The following PCDHGB7 variants were observed in gnomAD, a reference collection of about 807,000 sequenced individuals.
The protein encoded by PCDHGB7 is protocadherin gamma-B7.
A neutral mutation model predicts 61.4 loss-of-function variants in PCDHGB7; 37 were observed. That is an observed-to-expected ratio of 0.60 (90% CI 0.46 to 0.79). The LOEUF (loss-of-function observed/expected upper bound fraction) is 0.79. PCDHGB7 is among the 30% of genes least tolerant of loss of function. PCDHGB7 has a pLI of 0.00. For missense variants in PCDHGB7, 1,166 were observed against 1,202.5 expected, an observed-to-expected ratio of 0.97 and a Z score of 0.45; for synonymous variants, 464 against 503.5, an observed-to-expected ratio of 0.92 and a Z score of 1.05.
In PCDHGB7 at chr5:141,492,000, A is replaced by G; in HGVS notation, c.2416-2807A>G. On this transcript the variant is annotated intron_variant, in intron 1 of 3. Transcript: ENST00000398594. The surrounding 1 kb of genome is among the most constrained non-coding windows in gnomAD (Gnocchi z 6.9). Reference sequence around the variant, plus strand: ...TCGAGCTTCCGGTGAATTTCGGGCGATTTCCGCGGGTGTCGGGGGTCCCGG... The same window carrying G: ...TCGAGCTTCCGGTGAATTTCGGGCGGTTTCCGCGGGTGTCGGGGGTCCCGG... 1 of 659,856 alleles carries G rather than the reference A, an allele frequency of 1.5e-6. No homozygotes were observed. The highest frequency in any genetic ancestry group is 3.1e-5 in the South Asian group (1 of 32,438). 40.9% of individuals were successfully genotyped at this position (659,856 alleles called of 1,614,324 possible).
Position 141,477,161 on chromosome 5 carries a change from G to A in PCDHGB7, c.2416-17646G>A, listed in dbSNP as rs761453939. On this transcript the variant is annotated intron_variant, in intron 1 of 3. Transcript: ENST00000398594. The surrounding 1 kb of genome is among the most constrained non-coding windows in gnomAD (Gnocchi z 4.9). ...GGAGGTTGTGGATGTGAATGACAAC[G>A]CCCCGGAGATCACAGTCACCTCCGT... 1.9e-6 allele frequency: 3 copies of A among 1,613,988 alleles called. No individual in the cohort carries two copies. The highest frequency in any genetic ancestry group is 2.7e-5 in the African/African-American group (2 of 74,904).
intron 1 of PCDHGB7, among the ~76,000 whole-genome samples, chr5:141,435,568 A>C (rs564789030): frequency 8.7e-4 from 132 of 152,274 alleles, no homozygotes; most frequent in Middle Eastern, 6.8e-3. Context: ...TTTTTTTAGT[A>C]CTGGGGCAAA....
rs779949817 is a variant in PCDHGB7 at position 141,487,266 on chromosome 5, T to G, written c.2416-7541T>G. The G allele has an allele frequency of 6.2e-7, 1 of 1,614,054 alleles. No individual in the cohort carries two copies. The highest frequency in any genetic ancestry group is 8.5e-7 in the Non-Finnish European group (1 of 1,180,044). On this transcript the variant is annotated intron_variant, in intron 1 of 3. Transcript: ENST00000398594. This position sits in a 1 kb window ranked among gnomAD's most constrained non-coding sequence, Gnocchi z 5.0. The stretch of plus-strand genomic sequence containing the variant: ...ACCCTCTACTTGGCTGTGTCCCTAG[T>G]GGCAATTTGCTTTGTCTCCTTTGGC...
intron 1 of PCDHGB7, among the ~76,000 whole-genome samples, chr5:141,484,821 G>A (rs1367529999): frequency 6.6e-6 from 1 of 152,122 alleles, no homozygotes; most frequent in Admixed American, 6.5e-5. Context: ...CGTTGAGCGG[G>A]AGGAAGGCGA....
intron 1 of PCDHGB7, among the ~76,000 whole-genome samples, chr5:141,443,905 A>G (rs963772369): frequency 6.6e-6 from 1 of 152,204 alleles, no homozygotes; most frequent in Admixed American, 6.5e-5. Context: ...TAGTAGGAAA[A>G]TTCATAAAAG....
chr5:141,460,924 A>ATATATG (rs1561985817), intron 1 of PCDHGB7, among the ~76,000 whole-genome samples: 1 of 150,496 alleles, frequency 6.6e-6, no homozygotes, highest in African/African-American at 2.4e-5. Flanking sequence ...ATATATATAT[A>ATATATG]TGTGTGTGTG....
rs1344063538 is a variant in PCDHGB7 at position 141,419,727 on chromosome 5, C to G, written c.1868C>G (p.Thr623Arg). The G allele has an allele frequency of 6.2e-7, 1 of 1,613,582 alleles. No individual in the cohort carries two copies. The highest frequency in any genetic ancestry group is 1.7e-5 in the Admixed American group (1 of 60,030). The change falls in exon 1 of 4, where the codon ACA becomes AGA. Residue 623 changes from threonine (T) to arginine (R), a missense_variant. By Grantham distance (71) the Thr-to-Arg change is moderately conservative. Coordinates refer to ENST00000398594, the MANE Select transcript of PCDHGB7 (RefSeq NM_018927.4). ...GGGCTCTTCAGCCTGGGGCTGCGAA[C>G]AGGCGAGGTGCGCATGGTGCGTGCT... The part of the protein sequence containing the change: ...EPGLFSLGLR[T>R]GEVRMVRALG...
rs753051237 is a variant in PCDHGB7, at chr5:141,490,422, A to G, written c.2416-4385A>G. On this transcript the variant is annotated intron_variant, in intron 1 of 3. Coordinates refer to ENST00000398594, the MANE Select transcript of PCDHGB7 (RefSeq NM_018927.4). This position sits in a 1 kb window ranked among gnomAD's most constrained non-coding sequence, Gnocchi z 5.4. Reference sequence around the variant, plus strand: ...GCCTTGATATCTCTCCGGACCTGCCATTTCAGATTAAGCCTTCTGAGAACC... The same window carrying G: ...GCCTTGATATCTCTCCGGACCTGCCGTTTCAGATTAAGCCTTCTGAGAACC... 1 of 1,614,178 alleles carries G rather than the reference A, an allele frequency of 6.2e-7. No individual in the cohort carries two copies. The highest frequency in any genetic ancestry group is 1.7e-5 in the Admixed American group (1 of 60,030).
rs768994533 is a variant in PCDHGB7 at position 141,486,589 on chromosome 5, C to G, written c.2416-8218C>G. On this transcript the variant is annotated intron_variant, in intron 1 of 3. Transcript: ENST00000398594. This position sits in a 1 kb window ranked among gnomAD's most constrained non-coding sequence, Gnocchi z 5.0. Reference sequence around the variant, plus strand: ...TTCCTGAGAACAATCGCCCAGGGGACCTGCTTTGCTCCCTTGCAGCCTCTG... The same window carrying G: ...TTCCTGAGAACAATCGCCCAGGGGAGCTGCTTTGCTCCCTTGCAGCCTCTG... 1 of 1,613,676 alleles carries G rather than the reference C, an allele frequency of 6.2e-7. No individual in the cohort carries two copies. Among genetic ancestry groups the G allele is most frequent in the Non-Finnish European group, 8.5e-7 (1 of 1,179,996 alleles).
chr5:141,491,441 A>G lies in PCDHGB7; in HGVS notation c.2416-3366A>G, dbSNP rs776616506. 1.2e-6 allele frequency: 2 copies of G among 1,614,146 alleles called. No homozygotes were observed. The highest frequency in any genetic ancestry group is 1.7e-6 in the Non-Finnish European group (2 of 1,180,032). ...GGTGGAGGGCAGTGCTGCAGGCGCCAGGACTCACCCTCCCCGGACTTCTAT... is the reference window on the plus strand; with the variant it reads ...GGTGGAGGGCAGTGCTGCAGGCGCCGGGACTCACCCTCCCCGGACTTCTAT... On this transcript the variant is annotated intron_variant, in intron 1 of 3. Coordinates refer to ENST00000398594, the MANE Select transcript of PCDHGB7 (RefSeq NM_018927.4). The surrounding 1 kb of genome is among the most constrained non-coding windows in gnomAD (Gnocchi z 6.9).
intron 1 of PCDHGB7, among the ~76,000 whole-genome samples, chr5:141,437,486 G>A (rs530079212): frequency 2.6e-5 from 4 of 152,224 alleles, no homozygotes; most frequent in South Asian, 2.1e-4. Flanking sequence ...ATTTAATCTC[G>A]TAGATCACTT....
At chr5:141,422,959 C>A in intron 1 of PCDHGB7, 1 of 1,614,234 alleles carries the variant, frequency 6.2e-7, no homozygotes, top group South Asian at 1.1e-5. Context: ...TGGCGTGGAG[C>A]TGGCGCCCCG....
In PCDHGB7 at chr5:141,432,872, C is replaced by G; in HGVS notation, c.2415+12598C>G. 4 of 1,614,192 alleles carry G rather than the reference C, an allele frequency of 2.5e-6. No individual in the cohort carries two copies. The highest frequency in any genetic ancestry group is 3.4e-6 in the Non-Finnish European group (4 of 1,180,018). ...GGTGGCCGCGGTCTCCTGCGTCTTCCTGGCCTTCGTCATCTTGCTGCTGGC... is the reference window on the plus strand; with the variant it reads ...GGTGGCCGCGGTCTCCTGCGTCTTCGTGGCCTTCGTCATCTTGCTGCTGGC... On this transcript the variant is annotated intron_variant, in intron 1 of 3. Coordinates refer to ENST00000398594, the MANE Select transcript of PCDHGB7 (RefSeq NM_018927.4). The surrounding 1 kb of genome is among the most constrained non-coding windows in gnomAD (Gnocchi z 6.0).
intron 1 of PCDHGB7, 49 bp downstream of exon 1, chr5:141,420,323 A>G (rs753373746): frequency 2.1e-6 from 3 of 1,410,102 alleles, no homozygotes; most frequent in East Asian, 2.4e-5. Flanking sequence ...CAATATGCCA[A>G]TATATTCCAA....
At chr5:141,473,270 T>C (rs538574742) in intron 1 of PCDHGB7, among the ~76,000 whole-genome samples, 4 of 152,326 alleles carry the variant, frequency 2.6e-5, no homozygotes, top group African/African-American at 9.6e-5. Context: ...GTGTATGCTA[T>C]GATTATTTTA....
At chr5:141,426,876 C>T (rs796453479) in intron 1 of PCDHGB7, 2 of 456,726 alleles carry the variant, frequency 4.4e-6, no homozygotes, top group African/African-American at 2.0e-5. Context: ...GGAGAAGCCC[C>T]TGGGCCAGGA....
At chr5:141,427,776 G>T (rs3828681) in intron 1 of PCDHGB7, 8 of 1,424,704 alleles carry the variant, frequency 5.6e-6, no homozygotes, top group Non-Finnish European at 9.8e-7. Context: ...GGAGCTGCGG[G>T]CACTGTCGTC....
chr5:141,477,274 G>A lies in PCDHGB7; in HGVS notation c.2416-17533G>A. The A allele has an allele frequency of 2.5e-6, 4 of 1,614,034 alleles. No homozygotes were observed. Among genetic ancestry groups the A allele is most frequent in the East Asian group, 2.2e-5 (1 of 44,880 alleles). ...ACCTGGATGCTGGCGAGAACGGGCT[G>A]GTGACCTGCGAAGTTCCACCGGGTC... On this transcript the variant is annotated intron_variant, in intron 1 of 3. Coordinates refer to ENST00000398594, the MANE Select transcript of PCDHGB7 (RefSeq NM_018927.4). This position sits in a 1 kb window ranked among gnomAD's most constrained non-coding sequence, Gnocchi z 4.9.
intron 1 of PCDHGB7, 78 bp from the exon 2 acceptor site, chr5:141,494,729 C>CG: frequency 6.2e-7 from 1 of 1,610,168 alleles, no homozygotes; most frequent in South Asian, 1.1e-5. Context: ...CCTTCTCTCC[C>CG]GGCCCATCCC....
Sources: allele counts gnomAD v4.1 joint callset (sites outside exome capture counted in the v4.1 genomes callset), GRCh38; gene constraint gnomAD v4.1.1; non-coding constraint Gnocchi (gnomAD v3.1); transcripts MANE v1.5; gene names NCBI Gene and HGNC (gene_info 2026-07-23, HGNC 2026-07-21).